The following PLEKHH2 variants were observed in gnomAD, a reference collection of about 807,000 sequenced individuals.
PLEKHH2 encodes the protein pleckstrin homology, MyTH4 and FERM domain containing H2.
A neutral mutation model predicts 187.9 loss-of-function variants in PLEKHH2; 129 were observed. The ratio of observed to expected loss-of-function variants is 0.69; its 90% CI spans 0.59 to 0.79. The LOEUF is 0.79. Among genes scored for constraint, PLEKHH2 ranks in the 30% least tolerant of loss-of-function variants. The pLI, the probability that PLEKHH2 is intolerant of heterozygous loss-of-function variation, is 0.00. For synonymous variants in PLEKHH2, 686 were observed against 605.6 expected, an observed-to-expected ratio of 1.13 and a Z score of -1.95; for missense variants, 2,076 against 1,751.2, an observed-to-expected ratio of 1.19 and a Z score of -3.31.
rs569845558 is a variant in PLEKHH2 at position 43,764,662 on chromosome 2, T to G, written c.4296+297T>G. Among the ~76,000 whole-genome samples, 24 of 152,344 alleles carry G rather than the reference T, an allele frequency of 1.6e-4. 1 individual carries two copies. Among genetic ancestry groups the G allele is most frequent in the African/African-American group, 5.5e-4 (23 of 41,584 alleles). On this transcript the variant is annotated intron_variant, in intron 29 of 29. Coordinates refer to ENST00000282406, the MANE Select transcript of PLEKHH2 (RefSeq NM_172069.4). ...GGTACTTAGCCCAATGCCAGGTATA[T>G]AGAAGATTCAAAATAAATAGTTGTG...
rs140579994 is a variant in PLEKHH2, at chr2:43,728,066, G to A, written c.2722-1571G>A. Among the ~76,000 whole-genome samples, 155 of 152,272 alleles carry A rather than the reference G, an allele frequency of 1.0e-3. 1 individual carries two copies. In the East Asian group the frequency reaches 0.024, roughly 24 times the overall value. On this transcript the variant is annotated intron_variant, in intron 17 of 29. Transcript: ENST00000282406. ...GAGGGAAGCACTCCTATATACCACTGGTGAGAATAGAAATTAGTGTAAATG... is the reference window on the plus strand; with the variant it reads ...GAGGGAAGCACTCCTATATACCACTAGTGAGAATAGAAATTAGTGTAAATG...
intron 2 of PLEKHH2, among the ~76,000 whole-genome samples, chr2:43,668,006 C>G (rs1218042330): frequency 1.3e-5 from 2 of 152,118 alleles, no homozygotes; most frequent in African/African-American, 4.8e-5. Context: ...TGCTCTTTAA[C>G]AACACTACTA....
In PLEKHH2 at chr2:43,740,776, G is replaced by C. The variant is rs17031360; in HGVS notation, c.3124-170G>C. The C allele has an allele frequency of 3.2e-3, 3,908 of 1,216,826 alleles. 106 individuals carry two copies. The African/African-American group carries it at 0.055, about 17-fold the overall frequency. The allele number at this position is 1,216,826 out of a possible 1,614,324, so 75.4% of individuals were successfully genotyped here. ...TGGATCATAGATCTGACCCAATGTA[G>C]AGTTTTTTGTTTTTAACCTATGATA... On this transcript the variant is annotated intron_variant, in intron 20 of 29. Transcript: ENST00000282406.
At chr2:43,758,686 C>G (rs899970297) in intron 26 of PLEKHH2, among the ~76,000 whole-genome samples, 1 of 152,040 alleles carries the variant, frequency 6.6e-6, no homozygotes, top group Non-Finnish European at 1.5e-5. Flanking sequence ...GCCGAAAACA[C>G]GAATAGTATG....
At chr2:43,736,186 C>A (rs761747021) in intron 19 of PLEKHH2, among the ~76,000 whole-genome samples, 18 of 151,980 alleles carry the variant, frequency 1.2e-4, no homozygotes, top group Admixed American at 1.1e-3. Flanking sequence ...AAAACTACTA[C>A]AAACAAAAAG....
chr2:43,667,071 C>G (rs1343960705), intron 2 of PLEKHH2, among the ~76,000 whole-genome samples: 1 of 152,032 alleles, frequency 6.6e-6, no homozygotes, highest in Non-Finnish European at 1.5e-5. Context: ...AGTATCCTTT[C>G]TGAAAAATCT....
chr2:43,702,914 C>G (rs1288538973), intron 8 of PLEKHH2, among the ~76,000 whole-genome samples: 1 of 152,128 alleles, frequency 6.6e-6, no homozygotes, highest in Non-Finnish European at 1.5e-5. Flanking sequence ...CTCCAGTCCC[C>G]TCTCTCTAAT....
Position 43,765,443 on chromosome 2 carries a change from T to C in PLEKHH2, c.4327T>C (p.Tyr1443His). Residue 1443 changes from tyrosine to histidine, a missense_variant, in exon 30 of 30, where the codon TAC (tyrosine) becomes CAC (histidine). By Grantham distance (83) the Tyr-to-His change is moderately conservative (BLOSUM62 2). Coordinates refer to ENST00000282406, the MANE Select transcript of PLEKHH2 (RefSeq NM_172069.4). ...TGAAATCACTCTTTTGATCGCCAGT[T>C]ACATAAACAACTTCCATCAGCAAAA... ...ILEITLLIAS[Y>H]INNFHQQKAA... The C allele has an allele frequency of 6.2e-7, 1 of 1,614,152 alleles. No individual in the cohort carries two copies. The highest frequency in any genetic ancestry group is 8.5e-7 in the Non-Finnish European group (1 of 1,180,008).
intron 2 of PLEKHH2, among the ~76,000 whole-genome samples, chr2:43,666,749 T>A (rs1274559588): frequency 2.6e-5 from 4 of 152,232 alleles, no homozygotes; most frequent in Non-Finnish European, 4.4e-5. Context: ...TATCCATATT[T>A]ATTTTTTGGT....
intron 24 of PLEKHH2, among the ~76,000 whole-genome samples, chr2:43,753,072 A>C (rs971017125): frequency 1.3e-5 from 2 of 152,180 alleles, no homozygotes; most frequent in African/African-American, 4.8e-5. Flanking sequence ...TGTCCAAGGT[A>C]TTCAGGAAGG....
At chr2:43,751,797 A>G (rs1342900970) in intron 24 of PLEKHH2, among the ~76,000 whole-genome samples, 1 of 152,066 alleles carries the variant, frequency 6.6e-6, no homozygotes, top group African/African-American at 2.4e-5. Context: ...TTTGATTTTT[A>G]TGACTTCTTG....
At chr2:43,763,838 C>G (rs1434147979) in intron 28 of PLEKHH2, among the ~76,000 whole-genome samples, 2 of 152,080 alleles carry the variant, frequency 1.3e-5, no homozygotes, top group East Asian at 3.8e-4. Flanking sequence ...TTTACCAATA[C>G]TTGACCATTT....
rs1006784384 is a variant in PLEKHH2, at chr2:43,767,321, T to G, written c.*1723T>G. Reference sequence around the variant, plus strand: ...CTCACATTAAGCCTTTTAAAAATGTTCCATACTGTATTAGCATCCTTAGAA... The same window carrying G: ...CTCACATTAAGCCTTTTAAAAATGTGCCATACTGTATTAGCATCCTTAGAA... On this transcript the variant is annotated 3_prime_UTR_variant, in exon 30 of 30. Transcript: ENST00000282406. 4 of 152,360 alleles carry G rather than the reference T, an allele frequency of 2.6e-5. No homozygotes were observed. The highest frequency in any genetic ancestry group is 9.6e-5 in the African/African-American group (4 of 41,454). The allele number at this position is 152,360 out of a possible 1,614,324, so 9.4% of individuals were successfully genotyped here. A position where few individuals can be genotyped will look rare whatever the true frequency, so the allele number is the denominator to read the frequency against.
intron 15 of PLEKHH2, among the ~76,000 whole-genome samples, chr2:43,719,531 C>A (rs953449919): frequency 2.0e-5 from 3 of 152,086 alleles, no homozygotes; most frequent in African/African-American, 4.8e-5. Context: ...ACTCCGTGTC[C>A]CGGTTTCAAG....
chr2:43,724,238 G>A (rs1670628716), intron 16 of PLEKHH2, among the ~76,000 whole-genome samples: 4 of 152,158 alleles, frequency 2.6e-5, no homozygotes, highest in Admixed American at 2.0e-4. Flanking sequence ...TAACATGCTG[G>A]TATTAAAGCC....
chr2:43,690,976 C>T (rs1174956212), intron 3 of PLEKHH2, among the ~76,000 whole-genome samples: 1 of 152,198 alleles, frequency 6.6e-6, no homozygotes, highest in African/African-American at 2.4e-5. Flanking sequence ...TGTAGGTTGG[C>T]AAACACAATA....
At chr2:43,686,771 G>A (rs140201772) in intron 3 of PLEKHH2, among the ~76,000 whole-genome samples, 1 of 152,138 alleles carries the variant, frequency 6.6e-6, no homozygotes. Flanking sequence ...TCAACTTGCT[G>A]ATTTCACTGA....
intron 25 of PLEKHH2, among the ~76,000 whole-genome samples, chr2:43,754,191 C>CA (rs1181028090): frequency 2.1e-4 from 26 of 124,362 alleles, no homozygotes; most frequent in Admixed American, 1.6e-3. Flanking sequence ...CACACACACA[C>CA]ACACACACAC....
At position 43,753,756 on chromosome 2, in the gene PLEKHH2, C is replaced by G. The variant is rs1469080455; in HGVS notation, c.3791C>G (p.Ser1264Cys). ...GCATTAGAAATGGCAGCTCTTTTAT[C>G]TCAGGTAACTTCCATGTTATATGGA... ...DLALEMAALL[S>C]QVEIGDFERP... The change falls in exon 25 of 30, where the codon TCT becomes TGT. Residue 1264 changes from serine to cysteine, a missense_variant. By Grantham distance (112) the Ser-to-Cys change is moderately radical (BLOSUM62 -1). Transcript: ENST00000282406. 6.4e-7 allele frequency: 1 copy of G among 1,570,694 alleles called. No homozygotes were observed. The highest frequency in any genetic ancestry group is 1.9e-5 in the Admixed American group (1 of 51,464).
Sources: allele counts gnomAD v4.1 joint callset (sites outside exome capture counted in the v4.1 genomes callset), GRCh38; gene constraint gnomAD v4.1.1; transcripts MANE v1.5; gene names NCBI Gene and HGNC (gene_info 2026-07-23, HGNC 2026-07-21).